RSBN1L: variants seen among roughly 807,000 people sequenced by gnomAD.
RSBN1L encodes the protein lysine-specific demethylase RSBN1L.
Under a neutral mutation model 67.7 loss-of-function variants are expected in RSBN1L, and 30 were observed. The ratio of observed to expected loss-of-function variants is 0.44; its 90% CI spans 0.33 to 0.60. The LOEUF is 0.60. Among genes scored for constraint, RSBN1L ranks in the 20% least tolerant of loss-of-function variants. RSBN1L has a pLI of 0.02. For missense variants in RSBN1L, 992 were observed against 1,031.7 expected (o/e 0.96, Z 0.53); for synonymous variants, 433 against 387.0 (o/e 1.12, Z -1.39).
chr7:77,770,004 A>G (rs1272652004), intron 5 of RSBN1L, among the ~76,000 whole-genome samples: 4 of 152,218 alleles, frequency 2.6e-5, no homozygotes, highest in African/African-American at 9.7e-5. Flanking sequence ...ATTTGTGGTA[A>G]GAAAAACATT....
At chr7:77,763,501 A>G (rs1262276237) in intron 3 of RSBN1L, among the ~76,000 whole-genome samples, 1 of 152,196 alleles carries the variant, frequency 6.6e-6, no homozygotes, top group African/African-American at 2.4e-5. Flanking sequence ...TCTTTGATAG[A>G]CTGCATTACA....
At chr7:77,765,904 A>G (rs1365810996) in intron 4 of RSBN1L, among the ~76,000 whole-genome samples, 1 of 152,190 alleles carries the variant, frequency 6.6e-6, no homozygotes, top group Non-Finnish European at 1.5e-5. Context: ...ATGAAATAAC[A>G]CCTCTTAACA....
intron 3 of RSBN1L, among the ~76,000 whole-genome samples, chr7:77,753,712 A>G (rs1323251300): frequency 6.6e-6 from 1 of 152,230 alleles, no homozygotes; most frequent in East Asian, 1.9e-4. Context: ...TATTCTGTGA[A>G]GTTTTCTTCT....
At chr7:77,756,552 G>A (rs370446509) in intron 3 of RSBN1L, among the ~76,000 whole-genome samples, 2 of 152,040 alleles carry the variant, frequency 1.3e-5, no homozygotes, top group Non-Finnish European at 1.5e-5. Context: ...TGAGCTGGGC[G>A]GATCACAAGG....
Position 77,781,210 on chromosome 7 carries a change from G to A in RSBN1L, c.*2042G>A, listed in dbSNP as rs1353667054. 1 of 152,216 alleles carries A rather than the reference G, an allele frequency of 6.6e-6. No homozygotes were observed. Among genetic ancestry groups the A allele is most frequent in the Non-Finnish European group, 1.5e-5 (1 of 68,036 alleles). The allele number at this position is 152,216 out of a possible 1,614,324, so 9.4% of individuals were successfully genotyped here. A position where few individuals can be genotyped will look rare whatever the true frequency, so the allele number is the denominator to read the frequency against. The stretch of plus-strand genomic sequence containing the variant: ...CATAGGAAATCTTCATGGTTTGTAG[G>A]AAATCAGTGTTTGCAACGTAGGAAG... On this transcript the variant is annotated 3_prime_UTR_variant, in exon 8 of 8. Coordinates refer to ENST00000334955, the MANE Select transcript of RSBN1L (RefSeq NM_198467.3).
chr7:77,726,952 T>C (rs1319171225), intron 1 of RSBN1L, among the ~76,000 whole-genome samples: 1 of 150,538 alleles, frequency 6.6e-6, no homozygotes, highest in East Asian at 2.0e-4. Context: ...CGGCCTAATT[T>C]TTGTATTTGT....
At position 77,699,933 on chromosome 7, in the gene RSBN1L, A is replaced by G. The variant is rs559444074; in HGVS notation, c.586+2878A>G. Among the ~76,000 whole-genome samples the G allele has an allele frequency of 3.3e-5, 5 of 152,068 alleles. No individual in the cohort carries two copies. In the South Asian group the frequency reaches 1.0e-3, roughly 32 times the overall value. ...TGCCTCAGCCTCCCGAGTGGCTGGA[A>G]TTATAGGCACTCGCCAACACGCCTG... is the stretch of plus-strand genomic sequence containing the variant. On this transcript the variant is annotated intron_variant, in intron 1 of 7. Transcript: ENST00000334955.
rs757981248 is a variant in RSBN1L at position 77,765,657 on chromosome 7, TAG to T, written c.1482+28_1482+29del. On this transcript the variant is annotated intron_variant, in intron 4 of 7. Transcript: ENST00000334955. ...AGTAAGAGACAATCTGTCATGGGATTAGAGTTTTTTTTTTAAAAAAGGGAAGA... is the reference window on the plus strand; with the variant it reads ...AGTAAGAGACAATCTGTCATGGGATTAGTTTTTTTTTTAAAAAAGGGAAGA... 22 of 1,515,370 alleles carry T rather than the reference TAG, an allele frequency of 1.5e-5. No individual in the cohort carries two copies. In the African/African-American group the frequency reaches 2.4e-4, roughly 16 times the overall value. 93.9% of individuals were successfully genotyped at this position (1,515,370 alleles called of 1,614,324 possible). A position where few individuals can be genotyped will look rare whatever the true frequency, so the allele number is the denominator to read the frequency against.
At chr7:77,767,882 C>T (rs1405319898) in intron 4 of RSBN1L, among the ~76,000 whole-genome samples, 3 of 116,570 alleles carry the variant, frequency 2.6e-5, no homozygotes, top group Non-Finnish European at 3.6e-5. Flanking sequence ...TTTGGAGTCT[C>T]GTTCTGTCAC....
chr7:77,740,581 G>C (rs1333754011), intron 2 of RSBN1L, among the ~76,000 whole-genome samples: 1 of 152,116 alleles, frequency 6.6e-6, no homozygotes. Flanking sequence ...ATGTAATAAT[G>C]GGATGGGGGA....
intron 3 of RSBN1L, among the ~76,000 whole-genome samples, chr7:77,758,780 G>A (rs1185607558): frequency 6.6e-6 from 1 of 152,122 alleles, no homozygotes; most frequent in Non-Finnish European, 1.5e-5. Flanking sequence ...GTGCTCCTGT[G>A]TTCTACCGTA....
intron 6 of RSBN1L, among the ~76,000 whole-genome samples, chr7:77,775,200 C>T (rs905813539): frequency 2.0e-5 from 3 of 152,120 alleles, no homozygotes; most frequent in Non-Finnish European, 2.9e-5. Flanking sequence ...AGGTGCGAAA[C>T]ACTGCACCTG....
In RSBN1L at chr7:77,733,984, G is replaced by A. The variant is rs114187708; in HGVS notation, c.587-2426G>A. Among the ~76,000 whole-genome samples the A allele has an allele frequency of 6.5e-3, 993 of 152,312 alleles. 15 individuals are homozygous for A. Among genetic ancestry groups the A allele is most frequent in the African/African-American group, 0.022 (927 of 41,560 alleles). ...TCCACTAAAAATACAAAAATTAGCCGAGTGCGATGGCGTGTGCCTGTAATC... is the reference window on the plus strand; with the variant it reads ...TCCACTAAAAATACAAAAATTAGCCAAGTGCGATGGCGTGTGCCTGTAATC... On this transcript the variant is annotated intron_variant, in intron 1 of 7. Transcript: ENST00000334955.
Position 77,749,724 on chromosome 7 carries a change from A to G in RSBN1L, c.1004A>G (p.Asn335Ser). Reference protein sequence around the residue: ...FVSLKEPRVQNNLKRLDTLEF... With the variant: ...FVSLKEPRVQSNLKRLDTLEF... ...TCATTAAAGGAGCCACGAGTTCAGAATAACCTCAAAAGGTTGGACACTTTG... is the reference window on the plus strand; with the variant it reads ...TCATTAAAGGAGCCACGAGTTCAGAGTAACCTCAAAAGGTTGGACACTTTG... The change falls in exon 3 of 8, where the codon AAT becomes AGT. Residue 335 changes from asparagine (N) to serine (S), a missense_variant. This residue lies in a region of RSBN1L where 575 missense variants were observed against 483.2 expected (regional missense o/e 1.19). Coordinates refer to ENST00000334955, the MANE Select transcript of RSBN1L (RefSeq NM_198467.3). 6.2e-7 allele frequency: 1 copy of G among 1,614,198 alleles called. No homozygotes were observed. The highest frequency in any genetic ancestry group is 1.7e-5 in the Admixed American group (1 of 60,028).
chr7:77,771,049 C>T (rs535538885), intron 5 of RSBN1L, among the ~76,000 whole-genome samples: 10 of 152,182 alleles, frequency 6.6e-5, no homozygotes, highest in Non-Finnish European at 1.2e-4. Flanking sequence ...TCAAGCGATT[C>T]TCCTGCCTCA....
intron 6 of RSBN1L, among the ~76,000 whole-genome samples, chr7:77,776,099 C>G (rs1487498139): frequency 1.3e-5 from 2 of 152,108 alleles, no homozygotes; most frequent in African/African-American, 4.8e-5. Flanking sequence ...ATATAGTGCT[C>G]TATAAATTAA....
chr7:77,762,083 A>AG (rs1759001018), intron 3 of RSBN1L, among the ~76,000 whole-genome samples: 1 of 152,178 alleles, frequency 6.6e-6, no homozygotes, highest in South Asian at 2.1e-4. Flanking sequence ...TCTGGTTACA[A>AG]GGGAGAGACT....
intron 6 of RSBN1L, among the ~76,000 whole-genome samples, chr7:77,777,270 C>G (rs1470232634): frequency 6.6e-6 from 1 of 151,998 alleles, no homozygotes; most frequent in African/African-American, 2.4e-5. Flanking sequence ...AGAATCATTT[C>G]TAAAGAGATT....
At chr7:77,769,795 A>G (rs1476350925) in intron 5 of RSBN1L, among the ~76,000 whole-genome samples, 1 of 152,254 alleles carries the variant, frequency 6.6e-6, no homozygotes, top group African/African-American at 2.4e-5. Flanking sequence ...ATTGGCAAAA[A>G]TTATGAATAT....
Sources: allele counts gnomAD v4.1 joint callset (sites outside exome capture counted in the v4.1 genomes callset), GRCh38; gene constraint gnomAD v4.1.1; regional missense constraint gnomAD v4.1.1; transcripts MANE v1.5; gene names NCBI Gene and HGNC (gene_info 2026-07-23, HGNC 2026-07-21).